RNF220: variants seen among roughly 807,000 people sequenced by gnomAD.
RNF220 encodes the protein ring finger protein 220.
RNF220 carries 7 observed loss-of-function variants against 67.1 expected under a neutral mutation model. That is an observed-to-expected ratio of 0.10 (90% CI 0.06 to 0.20). RNF220 has a LOEUF of 0.20. Among genes scored for constraint, RNF220 ranks in the 10% least tolerant of loss-of-function variants. The pLI is 1.00. For synonymous variants in RNF220, 270 were observed against 283.2 expected (o/e 0.95, Z 0.47); for missense variants, 565 against 740.3 (o/e 0.76, Z 2.75).
chr1:44,617,671 A>G (rs571294439), intron 3 of RNF220, among the ~76,000 whole-genome samples: 1 of 152,064 alleles, frequency 6.6e-6, no homozygotes, highest in African/African-American at 2.4e-5. Context: ...TTCCTGAGAC[A>G]CCCTCTCCAC....
intron 2 of RNF220, among the ~76,000 whole-genome samples, chr1:44,528,449 C>T (rs1457519356): frequency 1.3e-5 from 2 of 151,070 alleles, no homozygotes; most frequent in African/African-American, 4.9e-5. Flanking sequence ...TACAGGCACA[C>T]GCTGCCACAC....
chr1:44,438,915 T>C (rs906060823), intron 2 of RNF220, among the ~76,000 whole-genome samples: 1 of 152,230 alleles, frequency 6.6e-6, no homozygotes, highest in African/African-American at 2.4e-5. Flanking sequence ...CAGATACTAC[T>C]GTATGTCAAC....
At chr1:44,518,884 A>AC (rs1448159400) in intron 2 of RNF220, among the ~76,000 whole-genome samples, 4 of 147,472 alleles carry the variant, frequency 2.7e-5, no homozygotes, top group South Asian at 4.3e-4. Flanking sequence ...AAAAAACAAA[A>AC]AAAACAAAAA....
intron 2 of RNF220, among the ~76,000 whole-genome samples, chr1:44,441,233 A>G (rs1294797663): frequency 6.6e-6 from 1 of 152,194 alleles, no homozygotes; most frequent in Non-Finnish European, 1.5e-5. Context: ...AAGCAGCCAT[A>G]GGGACTGAGG....
chr1:44,612,735 C>T (rs1643366181), intron 2 of RNF220, among the ~76,000 whole-genome samples: 1 of 150,142 alleles, frequency 6.7e-6, no homozygotes, highest in Non-Finnish European at 1.5e-5. Context: ...TAAGTATGTC[C>T]CGTGTAGTAC....
At chr1:44,497,963 GCTT>G (rs1306930809) in intron 2 of RNF220, among the ~76,000 whole-genome samples, 1 of 152,212 alleles carries the variant, frequency 6.6e-6, no homozygotes, top group Admixed American at 6.5e-5. Flanking sequence ...AGCTGCTTGT[GCTT>G]CCACGTTAAG....
At chr1:44,603,374 C>T (rs1667062981) in intron 2 of RNF220, among the ~76,000 whole-genome samples, 1 of 152,214 alleles carries the variant, frequency 6.6e-6, no homozygotes, top group African/African-American at 2.4e-5. Flanking sequence ...CCCACCTTGG[C>T]CCCGGGCTAC....
intron 2 of RNF220, among the ~76,000 whole-genome samples, chr1:44,413,997 C>G (rs1451533498): frequency 6.6e-6 from 1 of 152,226 alleles, no homozygotes; most frequent in Non-Finnish European, 1.5e-5. Context: ...ATCCATCGCT[C>G]TTTGGTTTTG....
At chr1:44,413,953 A>C (rs937615421) in intron 2 of RNF220, among the ~76,000 whole-genome samples, 1 of 152,246 alleles carries the variant, frequency 6.6e-6, no homozygotes, top group South Asian at 2.1e-4. Context: ...TACCTTTTCA[A>C]TAAAAGTCAT....
At chr1:44,492,382 A>C (rs1656931140) in intron 2 of RNF220, among the ~76,000 whole-genome samples, 2 of 152,228 alleles carry the variant, frequency 1.3e-5, no homozygotes, top group Admixed American at 1.3e-4. Context: ...CTGAAGATAG[A>C]GTTGCCATTT....
intron 2 of RNF220, among the ~76,000 whole-genome samples, chr1:44,572,492 A>G (rs1269606520): frequency 1.3e-5 from 2 of 152,250 alleles, no homozygotes; most frequent in African/African-American, 2.4e-5. Context: ...CACTAAATGA[A>G]AAGCCCCTCT....
In RNF220 at chr1:44,417,661, T is replaced by C. The variant is rs1648697968; in HGVS notation, c.625+4939T>C. The stretch of plus-strand genomic sequence containing the variant: ...GCGCCCTCCCTCCCATCAATTGTCA[T>C]GCAGAAGTGATCCGGGCTGCCGTTT... On this transcript the variant is annotated intron_variant, in intron 2 of 14. Transcript: ENST00000361799. The surrounding 1 kb of genome is among the most constrained non-coding windows in gnomAD (Gnocchi z 4.0). Among the ~76,000 whole-genome samples the C allele has an allele frequency of 6.6e-6, 1 of 151,852 alleles. No homozygotes were observed. Among genetic ancestry groups the C allele is most frequent in the South Asian group, 2.1e-4 (1 of 4,820 alleles).
chr1:44,451,737 C>G (rs142294355), intron 2 of RNF220, among the ~76,000 whole-genome samples: 2,468 of 152,290 alleles, frequency 0.016, 40 homozygotes, highest in South Asian at 0.049. Context: ...TCTCCTGTCT[C>G]AGCCTTCCGA....
At chr1:44,502,324 A>G (rs1658003206) in intron 2 of RNF220, among the ~76,000 whole-genome samples, 1 of 152,158 alleles carries the variant, frequency 6.6e-6, no homozygotes, top group South Asian at 2.1e-4. Context: ...GTGTGTTCTC[A>G]GCTCTAGGGG....
intron 3 of RNF220, among the ~76,000 whole-genome samples, chr1:44,618,537 G>T (rs1438950360): frequency 1.3e-5 from 2 of 152,196 alleles, no homozygotes; most frequent in Non-Finnish European, 2.9e-5. Context: ...CTTCACAGGG[G>T]TTCCATCAGA....
chr1:44,448,333 C>A (rs528658176), intron 2 of RNF220, among the ~76,000 whole-genome samples: 1 of 152,272 alleles, frequency 6.6e-6, no homozygotes, highest in East Asian at 1.9e-4. Context: ...TTTTATACTT[C>A]AGTTTTTTTC....
chr1:44,426,628 A>G (rs190515041), intron 2 of RNF220, among the ~76,000 whole-genome samples: 2 of 151,998 alleles, frequency 1.3e-5, no homozygotes, highest in Admixed American at 6.6e-5. Flanking sequence ...CTGGGAGGCT[A>G]AGGCAGGAGA....
chr1:44,547,719 C>A (rs911285927), intron 2 of RNF220, among the ~76,000 whole-genome samples: 7 of 152,132 alleles, frequency 4.6e-5, no homozygotes, highest in African/African-American at 1.7e-4. Flanking sequence ...CCCATTTTTC[C>A]AACTGCCTGG....
chr1:44,591,372 C>T (rs558667561), intron 2 of RNF220, among the ~76,000 whole-genome samples: 4 of 152,378 alleles, frequency 2.6e-5, no homozygotes, highest in East Asian at 1.9e-4. Context: ...ATCGTCCATG[C>T]GCAATGCCCT....
Sources: gnomAD v4.1 joint callset for allele counts (sites outside exome capture counted in the v4.1 genomes callset) on GRCh38, gnomAD v4.1.1 for gene constraint, Gnocchi (gnomAD v3.1) non-coding constraint, MANE v1.5 for transcripts, NCBI Gene and HGNC (gene_info 2026-07-23, HGNC 2026-07-21) for gene names.